Variants in GLYATL2 observed in about 807,000 individuals in gnomAD.
GLYATL2 encodes the protein glycine-N-acyltransferase like 2, also known as glycine N-acyltransferase-like protein 2.
A neutral mutation model predicts 21.4 loss-of-function variants in GLYATL2; 25 were observed. The ratio of observed to expected loss-of-function variants is 1.17; its 90% confidence interval spans 0.85 to 1.63. GLYATL2 has a LOEUF of 1.63. GLYATL2 is among the 40% of genes most tolerant of loss of function. GLYATL2 has a pLI of 0.00. For missense variants in GLYATL2, 361 were observed against 343.3 expected (o/e 1.05, Z -0.41); for synonymous variants, 114 against 118.2 (o/e 0.96, Z 0.23).
chr11:58,871,453 G>T (rs933716192), intron 1 of GLYATL2, among the ~76,000 whole-genome samples: 2 of 113,048 alleles, frequency 1.8e-5, no homozygotes, highest in African/African-American at 3.5e-5. Flanking sequence ...CCCACAACAG[G>T]CCCCGGTGTG....
intron 1 of GLYATL2, among the ~76,000 whole-genome samples, chr11:58,902,823 T>C (rs1159381236): frequency 2.6e-5 from 4 of 152,236 alleles, no homozygotes; most frequent in Non-Finnish European, 4.4e-5. Flanking sequence ...TCAGGGATGC[T>C]GGACAACTTC....
intron 1 of GLYATL2, among the ~76,000 whole-genome samples, chr11:58,872,567 T>G (rs1468208548): frequency 6.6e-6 from 1 of 152,250 alleles, no homozygotes; most frequent in Non-Finnish European, 1.5e-5. Flanking sequence ...CTTGTTCTTG[T>G]CAGGTTTGTC....
intron 1 of GLYATL2, among the ~76,000 whole-genome samples, chr11:58,883,507 A>G (rs976975425): frequency 6.6e-6 from 1 of 152,166 alleles, no homozygotes; most frequent in Non-Finnish European, 1.5e-5. Flanking sequence ...CCCTCCCAAG[A>G]CTAAACCAAG....
upstream of GLYATL2, chr11:58,907,155 G>A: frequency 2.5e-6 from 1 of 405,266 alleles, no homozygotes; most frequent in Admixed American, 2.7e-5. Flanking sequence ...CTCAGCCGGG[G>A]CTCTGATCAG....
intron 5 of GLYATL2, 31 bp from the exon 6 acceptor site, chr11:58,834,868 A>G (rs1198577645): frequency 2.0e-6 from 3 of 1,492,528 alleles, no homozygotes; most frequent in South Asian, 2.7e-5. Flanking sequence ...ACATTTATTC[A>G]GCCAATATTA....
chr11:58,864,721 G>A (rs1853993910), intron 1 of GLYATL2, among the ~76,000 whole-genome samples: 1 of 148,844 alleles, frequency 6.7e-6, no homozygotes, highest in African/African-American at 2.4e-5. Context: ...TCTTTCACCT[G>A]GTATCCTTAG....
At chr11:58,844,318 T>C (rs999045760) in intron 1 of GLYATL2, 116 bp downstream of exon 1, 4 of 152,212 alleles carry the variant, frequency 2.6e-5, no homozygotes, top group African/African-American at 4.8e-5. Context: ...GGAGTGCTCT[T>C]TCCAAGGGTT....
chr11:58,900,199 A>T (rs917917646), intron 1 of GLYATL2, among the ~76,000 whole-genome samples: 7 of 152,206 alleles, frequency 4.6e-5, no homozygotes, highest in Non-Finnish European at 5.9e-5. Context: ...AGGATGGATC[A>T]GTGAGTGAGG....
At chr11:58,902,763 A>C (rs1312028791) in intron 1 of GLYATL2, among the ~76,000 whole-genome samples, 1 of 152,210 alleles carries the variant, frequency 6.6e-6, no homozygotes, top group African/African-American at 2.4e-5. Context: ...CCAGCCAACA[A>C]GATGCTTTCT....
chr11:58,842,414 C>T (rs974672422), intron 1 of GLYATL2, among the ~76,000 whole-genome samples: 5 of 151,018 alleles, frequency 3.3e-5, no homozygotes, highest in Admixed American at 6.6e-5. Context: ...GTGCAGTTTG[C>T]CTGTTCTCCT....
At chr11:58,870,095 G>C (rs1342705094) in intron 1 of GLYATL2, among the ~76,000 whole-genome samples, 4 of 151,990 alleles carry the variant, frequency 2.6e-5, no homozygotes, top group Non-Finnish European at 5.9e-5. Flanking sequence ...GTGACAGAGG[G>C]AGACCCTGTA....
At chr11:58,836,308 C>T (rs1590711268) in intron 5 of GLYATL2, among the ~76,000 whole-genome samples, 1 of 151,680 alleles carries the variant, frequency 6.6e-6, no homozygotes, top group East Asian at 1.9e-4. Flanking sequence ...TTAATGGCTG[C>T]ATAGTATTCT....
At chr11:58,865,142 A>G (rs1466027450) in intron 1 of GLYATL2, among the ~76,000 whole-genome samples, 1 of 36,526 alleles carries the variant, frequency 2.7e-5, no homozygotes, top group Non-Finnish European at 1.4e-4. Context: ...ACAATAAAGT[A>G]GTTCTGCAAA....
chr11:58,857,495 C>G (rs1225333558), intron 1 of GLYATL2, among the ~76,000 whole-genome samples: 2 of 152,096 alleles, frequency 1.3e-5, no homozygotes, highest in Admixed American at 1.3e-4. Flanking sequence ...CCCCCTGGGG[C>G]GGGGCGAGTG....
intron 1 of GLYATL2, among the ~76,000 whole-genome samples, chr11:58,849,804 G>A (rs1373188670): frequency 1.3e-5 from 2 of 152,138 alleles, no homozygotes; most frequent in Non-Finnish European, 2.9e-5. Context: ...GGGCCTGGGA[G>A]AGGGATAGTA....
intron 1 of GLYATL2, among the ~76,000 whole-genome samples, chr11:58,881,822 G>A (rs940190791): frequency 2.6e-5 from 4 of 152,152 alleles, no homozygotes; most frequent in African/African-American, 9.7e-5. Context: ...CCACCTATGA[G>A]TGAGAACATG....
chr11:58,881,265 G>T (rs377181833), intron 1 of GLYATL2, among the ~76,000 whole-genome samples: 2 of 152,148 alleles, frequency 1.3e-5, no homozygotes, highest in East Asian at 3.9e-4. Flanking sequence ...TTGAGGTTCT[G>T]ATTCATTAAA....
At chr11:58,869,819 G>C (rs1854086126) in intron 1 of GLYATL2, among the ~76,000 whole-genome samples, 1 of 151,904 alleles carries the variant, frequency 6.6e-6, no homozygotes, top group Admixed American at 6.6e-5. Context: ...TTTTTGTCTG[G>C]GTTTTATATT....
chr11:58,875,582 G>T (rs1379869735), intron 1 of GLYATL2, among the ~76,000 whole-genome samples: 1 of 152,166 alleles, frequency 6.6e-6, no homozygotes, highest in Non-Finnish European at 1.5e-5. Flanking sequence ...ATTCTGGGTT[G>T]AAAATTATTT....
Sources: allele counts gnomAD v4.1 joint callset (sites outside exome capture counted in the v4.1 genomes callset), GRCh38; gene constraint gnomAD v4.1.1; transcripts MANE v1.5; gene names NCBI Gene and HGNC (gene_info 2026-07-23, HGNC 2026-07-21).